EIPR1: variants seen among roughly 807,000 people sequenced by gnomAD.
EIPR1 encodes EARP and GARP complex-interacting protein 1.
EIPR1 carries 25 observed loss-of-function variants against 48.1 expected under a neutral mutation model. The observed-to-expected ratio is 0.52, with a 90% CI of 0.38 to 0.73. The LOEUF is 0.73. EIPR1 is among the 30% of genes least tolerant of loss of function. EIPR1 has a pLI of 0.00. For missense variants in EIPR1, 415 were observed against 506.2 expected, an observed-to-expected ratio of 0.82 and a Z score of 1.73; for synonymous variants, 204 against 201.9, an observed-to-expected ratio of 1.01 and a Z score of -0.09.
intron 3 of EIPR1, among the ~76,000 whole-genome samples, chr2:3,308,194 A>C (rs567529284): frequency 6.6e-6 from 1 of 152,338 alleles, no homozygotes; most frequent in Admixed American, 6.5e-5. Flanking sequence ...CCAGTCCCCA[A>C]ACCTAAACAG....
chr2:3,350,986 T>C (rs1448085125), intron 2 of EIPR1, among the ~76,000 whole-genome samples: 1 of 148,038 alleles, frequency 6.8e-6, no homozygotes, highest in South Asian at 2.1e-4. Flanking sequence ...ATTAAAACAC[T>C]TTCTGTCATT....
intron 4 of EIPR1, among the ~76,000 whole-genome samples, chr2:3,236,446 CAGG>C (rs1666408322): frequency 6.6e-6 from 1 of 152,184 alleles, no homozygotes; most frequent in Non-Finnish European, 1.5e-5. Context: ...TGACTTCACT[CAGG>C]AGGAGGACAT....
At chr2:3,318,906 A>G in intron 3 of EIPR1, 1 of 471,412 alleles carries the variant, frequency 2.1e-6, no homozygotes, top group South Asian at 1.5e-5. Flanking sequence ...TTACAAAGAC[A>G]ATCGTGGGAC....
At chr2:3,296,105 T>TGC (rs1558280974) in intron 3 of EIPR1, among the ~76,000 whole-genome samples, 6 of 91,988 alleles carry the variant, frequency 6.5e-5, no homozygotes, top group Admixed American at 1.2e-4. Context: ...CCATCCTCTC[T>TGC]ACACACACAC....
chr2:3,330,836 G>A (rs958255234), intron 3 of EIPR1, among the ~76,000 whole-genome samples: 1 of 151,178 alleles, frequency 6.6e-6, no homozygotes, highest in African/African-American at 2.4e-5. Flanking sequence ...ACTCGAGATG[G>A]TGTGAGCAGA....
At chr2:3,211,196 C>T (rs1023548102) in intron 5 of EIPR1, among the ~76,000 whole-genome samples, 16 of 152,190 alleles carry the variant, frequency 1.1e-4, no homozygotes, top group Non-Finnish European at 1.5e-5. Context: ...CACCCATGGG[C>T]ACGCCGCAGT....
intron 3 of EIPR1, among the ~76,000 whole-genome samples, chr2:3,290,711 G>A (rs1668338919): frequency 6.6e-6 from 1 of 152,234 alleles, no homozygotes; most frequent in Non-Finnish European, 1.5e-5. Context: ...CACTGCACAG[G>A]CAGCCGTGCC....
intron 5 of EIPR1, among the ~76,000 whole-genome samples, chr2:3,198,249 C>A (rs1002368662): frequency 6.6e-6 from 1 of 152,252 alleles, no homozygotes. Flanking sequence ...CAAGAGGCCT[C>A]CCAATTTCAG....
chr2:3,361,239 C>G (rs1415285027), intron 1 of EIPR1, among the ~76,000 whole-genome samples: 1 of 152,076 alleles, frequency 6.6e-6, no homozygotes. Flanking sequence ...GCTTTCATTC[C>G]ACCCTCACCT....
chr2:3,330,721 CAG>C (rs1173154799), intron 3 of EIPR1, among the ~76,000 whole-genome samples: 1,100 of 58,356 alleles, frequency 0.019, 13 homozygotes, highest in African/African-American at 0.12. Context: ...ACTCATGAGA[CAG>C]TGTGAGCAGA....
chr2:3,377,533 C>T lies in EIPR1; in HGVS notation c.42+115G>A. On this transcript the variant is annotated intron_variant, in intron 1 of 8. Coordinates refer to ENST00000382125, the MANE Select transcript of EIPR1 (RefSeq NM_003310.5). ...TCTCTGCAAAATGGGAACTAGGGAA[C>T]AGACACGGGTCCTTGCAGGGCTGGT... is the stretch of plus-strand genomic sequence containing the variant. 4 of 1,336,608 alleles carry T rather than the reference C, an allele frequency of 3.0e-6. No individual in the cohort carries two copies. In the South Asian group the frequency reaches 5.4e-5, roughly 18 times the overall value. The allele number at this position is 1,336,608 out of a possible 1,614,324, so 82.8% of individuals were successfully genotyped here. A position where few individuals can be genotyped will look rare whatever the true frequency, so the allele number is the denominator to read the frequency against.
At chr2:3,220,233 C>T (rs530714613) in intron 4 of EIPR1, among the ~76,000 whole-genome samples, 1 of 152,170 alleles carries the variant, frequency 6.6e-6, no homozygotes, top group Non-Finnish European at 1.5e-5. Flanking sequence ...TGCACACACA[C>T]AATGGTCATA....
chr2:3,196,923 G>C lies in EIPR1; in HGVS notation c.611C>G (p.Ala204Gly). The stretch of plus-strand genomic sequence containing the variant: ...CCAGCCACGGAGGGTGGTGTCGTTC[G>C]CTGTGGCCACCTGGGTGCAGTTATG... ...PHHNCTQVAT[A>G]NDTTLRGWDT... is the part of the protein sequence containing the mutation. The change falls in exon 6 of 9, where the codon GCG becomes GGG. Residue 204 changes from alanine (A) to glycine (G), a missense_variant. Transcript: ENST00000382125. 6.2e-7 allele frequency: 1 copy of C among 1,613,932 alleles called. No homozygotes were observed. The highest frequency in any genetic ancestry group is 8.5e-7 in the Non-Finnish European group (1 of 1,180,018).
At chr2:3,226,487 G>A (rs897565481) in intron 4 of EIPR1, among the ~76,000 whole-genome samples, 12 of 152,264 alleles carry the variant, frequency 7.9e-5, no homozygotes, top group East Asian at 1.9e-4. Flanking sequence ...GCTTGCTATC[G>A]AGTTGTATGA....
intron 3 of EIPR1, among the ~76,000 whole-genome samples, chr2:3,316,620 C>T (rs1669309954): frequency 6.6e-6 from 1 of 152,244 alleles, no homozygotes; most frequent in African/African-American, 2.4e-5. Context: ...CAAGTTCCTG[C>T]TTTTCAACTT....
intron 2 of EIPR1, 34 bp from the exon 3 acceptor site, chr2:3,338,183 C>T (rs754149320): frequency 3.1e-5 from 49 of 1,602,880 alleles, no homozygotes; most frequent in Non-Finnish European, 4.1e-5. Context: ...ATCAGGATCT[C>T]AAACACTTTC....
intron 4 of EIPR1, among the ~76,000 whole-genome samples, chr2:3,249,955 T>C (rs891362295): frequency 6.6e-6 from 1 of 152,148 alleles, no homozygotes; most frequent in Non-Finnish European, 1.5e-5. Flanking sequence ...TTCCCCTAGA[T>C]TTCATGGGAT....
chr2:3,350,960 A>AC (rs1290827004), intron 2 of EIPR1, among the ~76,000 whole-genome samples: 3 of 151,316 alleles, frequency 2.0e-5, no homozygotes, highest in Non-Finnish European at 2.9e-5. Context: ...AAAAAAAAAA[A>AC]AACAAATTAA....
chr2:3,222,803 A>G (rs983184591), intron 4 of EIPR1, among the ~76,000 whole-genome samples: 5 of 152,344 alleles, frequency 3.3e-5, no homozygotes, highest in African/African-American at 9.6e-5. Context: ...CAGAGAGACC[A>G]GATCGAGATA....
Sources: allele counts gnomAD v4.1 joint callset (sites outside exome capture counted in the v4.1 genomes callset), GRCh38; gene constraint gnomAD v4.1.1; transcripts MANE v1.5; gene names NCBI Gene and HGNC (gene_info 2026-07-23, HGNC 2026-07-21).